BTBD16: variants seen among roughly 807,000 people sequenced by gnomAD.
The protein encoded by BTBD16 is BTB domain containing 16.
In BTBD16, 66 loss-of-function variants were observed where a neutral mutation model predicts 67.4. The ratio of observed to expected loss-of-function variants is 0.98; its 90% CI spans 0.80 to 1.20. The LOEUF (loss-of-function observed/expected upper bound fraction) is 1.20, where lower values mean the gene tolerates loss of function less well. Ranked by LOEUF, BTBD16 falls within the 50% of genes most tolerant of loss-of-function variation. The pLI is 0.00. For synonymous variants in BTBD16, 242 were observed against 236.4 expected (o/e 1.02, Z -0.22); for missense variants, 634 against 616.0 (o/e 1.03, Z -0.31).
intron 9 of BTBD16, among the ~76,000 whole-genome samples, chr10:122,305,699 T>C (rs1303997188): frequency 6.6e-6 from 1 of 152,176 alleles, no homozygotes; most frequent in Non-Finnish European, 1.5e-5. Flanking sequence ...AACAGAACAG[T>C]ACAACCCTAT....
chr10:122,277,167 T>C (rs74161442), intron 3 of BTBD16, among the ~76,000 whole-genome samples: 3 of 124,260 alleles, frequency 2.4e-5, no homozygotes, highest in African/African-American at 9.7e-5. Flanking sequence ...TTTTTTTTTT[T>C]TTTTTTTTAC....
intron 2 of BTBD16, 25 bp from the exon 3 acceptor site, chr10:122,276,766 T>C: frequency 4.4e-6 from 7 of 1,601,966 alleles, no homozygotes; most frequent in Non-Finnish European, 6.0e-6. Flanking sequence ...AAAAGATGTC[T>C]TCTCTTTCTT....
At chr10:122,309,935 C>A (rs920675990) in intron 10 of BTBD16, among the ~76,000 whole-genome samples, 1 of 151,824 alleles carries the variant, frequency 6.6e-6, no homozygotes, top group African/African-American at 2.4e-5. Flanking sequence ...CCACGCCCAG[C>A]TAATTTTTGT....
chr10:122,314,273 A>G (rs989986750), intron 10 of BTBD16, among the ~76,000 whole-genome samples: 7 of 152,196 alleles, frequency 4.6e-5, no homozygotes, highest in African/African-American at 1.7e-4. Flanking sequence ...TAATTTCAGC[A>G]CTTTGGGGAG....
rs781078218 is a variant in BTBD16 at position 122,331,269 on chromosome 10, T to C, written c.1086+11T>C. ...AACCATTACCACGCAGTGAGTTGCC[T>C]GCTCTGCAAGGACACAGTTGTCGAA... On this transcript the variant is annotated intron_variant, in intron 12 of 15. Transcript: ENST00000260723. 63 of 1,609,856 alleles carry C rather than the reference T, an allele frequency of 3.9e-5. No homozygotes were observed. The highest frequency in any genetic ancestry group is 5.0e-5 in the Non-Finnish European group (59 of 1,179,058).
intron 10 of BTBD16, among the ~76,000 whole-genome samples, chr10:122,309,336 T>G (rs2096409302): frequency 6.6e-6 from 1 of 150,404 alleles, no homozygotes. Context: ...TTGTTTGTTT[T>G]TTGGTTTTTG....
chr10:122,312,309 C>CTTTTTTTT (rs58045019), intron 10 of BTBD16, among the ~76,000 whole-genome samples: 17 of 105,612 alleles, frequency 1.6e-4, no homozygotes, highest in East Asian at 2.7e-4. Context: ...TTTTCTTTTT[C>CTTTTTTTT]TTTTTTTTTT....
chr10:122,274,542 A>C (rs2096336239), intron 1 of BTBD16, among the ~76,000 whole-genome samples: 1 of 152,102 alleles, frequency 6.6e-6, no homozygotes, highest in African/African-American at 2.4e-5. Flanking sequence ...CTTGTAACCC[A>C]ACAGCCCTGA....
chr10:122,303,086 A>G lies in BTBD16; in HGVS notation c.791+3952A>G, dbSNP rs560363936. On this transcript the variant is annotated intron_variant, in intron 9 of 15. Transcript: ENST00000260723. ...AAAAAAGTATAAAGGTAGAATTATA[A>G]TACAAAACACAATTGTACTCATCTC... Among the ~76,000 whole-genome samples, 7 of 152,360 alleles carry G rather than the reference A, an allele frequency of 4.6e-5. No individual in the cohort carries two copies. In the East Asian group the frequency reaches 1.3e-3, roughly 29 times the overall value.
chr10:122,322,787 A>G lies in BTBD16; in HGVS notation c.912-6693A>G, dbSNP rs117861907. ...TGCTAGAGTGATCCACTGTGCCTCC[A>G]CACTTGGCTCAGTTATCCCCAAGGA... is the stretch of plus-strand genomic sequence containing the variant. On this transcript the variant is annotated intron_variant, in intron 10 of 15. Coordinates refer to ENST00000260723, the MANE Select transcript of BTBD16 (RefSeq NM_144587.5). Among the ~76,000 whole-genome samples the G allele has an allele frequency of 5.1e-3, 784 of 152,320 alleles. 5 individuals are homozygous for G. Among genetic ancestry groups the G allele is most frequent in the Non-Finnish European group, 8.5e-3 (577 of 68,032 alleles).
intron 9 of BTBD16, among the ~76,000 whole-genome samples, chr10:122,301,846 C>A (rs1299573102): frequency 6.6e-6 from 1 of 152,202 alleles, no homozygotes; most frequent in Admixed American, 6.5e-5. Flanking sequence ...AGAGGGCTAA[C>A]GATGGGCAGG....
chr10:122,332,270 A>T (rs1337226155), intron 12 of BTBD16, 166 bp from the exon 13 acceptor site: 1 of 624,106 alleles, frequency 1.6e-6, no homozygotes, highest in Admixed American at 3.0e-5. Flanking sequence ...TAAGTTTTCA[A>T]TAAATGTCTG....
rs1388975650 is a variant in BTBD16 at position 122,329,340 on chromosome 10, C to A, written c.912-140C>A. 9.3e-5 allele frequency: 63 copies of A among 680,188 alleles called. No homozygotes were observed. In the East Asian group the frequency reaches 1.7e-3, roughly 18 times the overall value. The allele number at this position is 680,188 out of a possible 1,614,324, so 42.1% of individuals were successfully genotyped here. A position where few individuals can be genotyped will look rare whatever the true frequency, so the allele number is the denominator to read the frequency against. ...CCACCATCTGCTTCCATGTACCTGA[C>A]CCCTCCAGAGGGACCGAGGCCCCAT... On this transcript the variant is annotated intron_variant, in intron 10 of 15. Transcript: ENST00000260723.
chr10:122,336,792 G>T, intron 15 of BTBD16, 110 bp downstream of exon 15: 1 of 905,162 alleles, frequency 1.1e-6, no homozygotes, highest in Admixed American at 3.6e-5. Flanking sequence ...GAAGATCCCT[G>T]GAAAATCTGG....
chr10:122,310,626 G>C (rs2096412095), intron 10 of BTBD16, among the ~76,000 whole-genome samples: 1 of 152,196 alleles, frequency 6.6e-6, no homozygotes, highest in Non-Finnish European at 1.5e-5. Flanking sequence ...GTGAGACAGA[G>C]GAGCAGACCC....
intron 1 of BTBD16, among the ~76,000 whole-genome samples, chr10:122,272,678 T>TACACACACACACACACACACACACAC (rs112265160): frequency 6.8e-6 from 1 of 147,590 alleles, no homozygotes; most frequent in African/African-American, 2.5e-5. Flanking sequence ...GCAAAGGAAA[T>TACACACACACACACACACACACACAC]ACACACACAC....
At position 122,283,856 on chromosome 10, in the gene BTBD16, G is replaced by A. The variant is rs147828619; in HGVS notation, c.173G>A (p.Cys58Tyr). The change falls in exon 4 of 16, where the codon TGC becomes TAC. Residue 58 changes from cysteine to tyrosine, a missense_variant. Physicochemically the swap from Cys to Tyr is radical, Grantham distance 194. Transcript: ENST00000260723. Reference protein sequence around the residue: ...EEALRNPDRLCISQIQKFFFE... With the variant: ...EEALRNPDRLYISQIQKFFFE... ...TATTTGCATTTTCCCTTGAGGTTATGCATTTCACAAATCCAGAAGTTTTTC... is the reference window on the plus strand; with the variant it reads ...TATTTGCATTTTCCCTTGAGGTTATACATTTCACAAATCCAGAAGTTTTTC... 3.7e-6 allele frequency: 6 copies of A among 1,613,620 alleles called. No individual in the cohort carries two copies. The African/African-American group carries it at 4.0e-5, about 11-fold the overall frequency.
intron 10 of BTBD16, among the ~76,000 whole-genome samples, chr10:122,323,433 G>A (rs1468297759): frequency 6.6e-6 from 1 of 152,188 alleles, no homozygotes; most frequent in African/African-American, 2.4e-5. Flanking sequence ...TTGACAAGTA[G>A]CTTCTTGTTG....
intron 10 of BTBD16, among the ~76,000 whole-genome samples, chr10:122,310,687 G>A (rs1217435131): frequency 6.6e-6 from 1 of 152,142 alleles, no homozygotes; most frequent in Admixed American, 6.5e-5. Flanking sequence ...GAGCAATTTG[G>A]CCCAATTTTA....
Sources: allele counts gnomAD v4.1 joint callset (sites outside exome capture counted in the v4.1 genomes callset), GRCh38; gene constraint gnomAD v4.1.1; transcripts MANE v1.5; gene names NCBI Gene and HGNC (gene_info 2026-07-23, HGNC 2026-07-21).